PIGL: variants seen among roughly 807,000 people sequenced by gnomAD.
PIGL encodes the protein phosphatidylinositol glycan anchor biosynthesis class L.
Under a neutral mutation model 31.1 loss-of-function variants are expected in PIGL, and 22 were observed. The observed-to-expected ratio is 0.71, with a 90% CI of 0.51 to 1.01. PIGL has a LOEUF of 1.01. Ranked by LOEUF, PIGL falls within the 50% of genes least tolerant of loss-of-function variation. The pLI is 0.00. For synonymous variants in PIGL, 131 were observed against 117.4 expected (o/e 1.12, Z -0.75); for missense variants, 302 against 315.9 (o/e 0.96, Z 0.33).
rs114353861 is a variant in PIGL, at chr17:16,313,916, C to G, written c.494+302C>G. On this transcript the variant is annotated intron_variant, in intron 4 of 6. Coordinates refer to ENST00000225609, the MANE Select transcript of PIGL (RefSeq NM_004278.4). ...ATCTCTTTTCTGTGGCCACAGGAAG[C>G]TTGAGGGCCAAATTTGCAAGCCCTG... Among the ~76,000 whole-genome samples the G allele has an allele frequency of 5.6e-3, 857 of 152,274 alleles. 13 individuals are homozygous for G. Among genetic ancestry groups the G allele is most frequent in the African/African-American group, 0.019 (790 of 41,546 alleles).
At chr17:16,295,402 C>CA (rs60864452) in intron 2 of PIGL, among the ~76,000 whole-genome samples, 150 of 72,238 alleles carry the variant, frequency 2.1e-3, no homozygotes, top group Middle Eastern at 9.8e-3. Flanking sequence ...GACTCCGTCT[C>CA]AAAAAAAAAA....
chr17:16,220,471 TA>T (rs1424777498), intron 1 of PIGL, among the ~76,000 whole-genome samples: 3 of 147,196 alleles, frequency 2.0e-5, no homozygotes, highest in African/African-American at 7.4e-5. Flanking sequence ...TGTGTTTTTT[TA>T]AATTGTTATT....
At chr17:16,239,882 G>A (rs957107624) in intron 2 of PIGL, among the ~76,000 whole-genome samples, 1 of 152,132 alleles carries the variant, frequency 6.6e-6, no homozygotes, top group Non-Finnish European at 1.5e-5. Context: ...GAACTCCTGA[G>A]TAGCTGGGAC....
At chr17:16,285,915 G>A (rs2092935477) in intron 2 of PIGL, among the ~76,000 whole-genome samples, 1 of 152,188 alleles carries the variant, frequency 6.6e-6, no homozygotes. Flanking sequence ...TCACACTCCT[G>A]TATTTGGAGC....
intron 3 of PIGL, among the ~76,000 whole-genome samples, chr17:16,300,756 C>CA (rs1030226068): frequency 1.3e-5 from 2 of 151,924 alleles, no homozygotes; most frequent in Admixed American, 6.6e-5. Flanking sequence ...GCAGCTTGTC[C>CA]AAGGTAAACA....
intron 3 of PIGL, among the ~76,000 whole-genome samples, chr17:16,304,152 C>G (rs3095171): frequency 0.42 from 63,237 of 152,104 alleles, 13,975 homozygotes; most frequent in East Asian, 0.76. Context: ...GCTAGTGTAG[C>G]TATAACTGGC....
At chr17:16,260,981 T>C (rs1000994750) in intron 2 of PIGL, among the ~76,000 whole-genome samples, 2 of 151,988 alleles carry the variant, frequency 1.3e-5, no homozygotes, top group Non-Finnish European at 2.9e-5. Context: ...TAGCTGGGCA[T>C]GGTGGCACAT....
chr17:16,228,245 A>G (rs1364114820), intron 1 of PIGL, among the ~76,000 whole-genome samples: 1 of 150,490 alleles, frequency 6.6e-6, no homozygotes, highest in Non-Finnish European at 1.5e-5. Flanking sequence ...TTATTAGAGA[A>G]TGGAGTTTCA....
intron 2 of PIGL, among the ~76,000 whole-genome samples, chr17:16,245,159 A>C (rs997798957): frequency 6.6e-6 from 1 of 151,948 alleles, no homozygotes. Context: ...CGCCCAGCTA[A>C]TTTTTGTATT....
At chr17:16,310,045 T>C (rs1400997913) in intron 3 of PIGL, among the ~76,000 whole-genome samples, 1 of 135,472 alleles carries the variant, frequency 7.4e-6, no homozygotes, top group Non-Finnish European at 1.5e-5. Context: ...ACCACTGCAC[T>C]CTAGCTTGGG....
intron 2 of PIGL, among the ~76,000 whole-genome samples, chr17:16,286,784 C>G (rs993719827): frequency 1.3e-5 from 2 of 152,150 alleles, no homozygotes; most frequent in Non-Finnish European, 2.9e-5. Context: ...CAGAGCCAGA[C>G]GCGCAATGCC....
chr17:16,304,373 A>G (rs1280349166), intron 3 of PIGL, among the ~76,000 whole-genome samples: 1 of 152,244 alleles, frequency 6.6e-6, no homozygotes, highest in Non-Finnish European at 1.5e-5. Flanking sequence ...CCATCAATGC[A>G]GGAAACTGGG....
intron 2 of PIGL, among the ~76,000 whole-genome samples, chr17:16,245,540 C>T (rs1357368963): frequency 6.6e-6 from 1 of 150,850 alleles, no homozygotes; most frequent in East Asian, 2.0e-4. Flanking sequence ...CGGAGTCTTG[C>T]TCTATCGCCA....
At chr17:16,264,320 A>AT (rs895808026) in intron 2 of PIGL, among the ~76,000 whole-genome samples, 1 of 150,596 alleles carries the variant, frequency 6.6e-6, no homozygotes, top group Non-Finnish European at 1.5e-5. Context: ...AATCTTTTGT[A>AT]TTTTTAGTAG....
intron 2 of PIGL, among the ~76,000 whole-genome samples, chr17:16,262,127 G>A (rs2092821706): frequency 6.6e-6 from 1 of 152,042 alleles, no homozygotes; most frequent in African/African-American, 2.4e-5. Context: ...AGAGGCTGAG[G>A]CGGGAGAATC....
At chr17:16,289,006 G>C (rs763435292) in intron 2 of PIGL, among the ~76,000 whole-genome samples, 6 of 152,232 alleles carry the variant, frequency 3.9e-5, no homozygotes, top group Non-Finnish European at 8.8e-5. Flanking sequence ...AAAGACCACA[G>C]GTCTCTGTAT....
chr17:16,286,123 G>A (rs866413190), intron 2 of PIGL, among the ~76,000 whole-genome samples: 1 of 152,248 alleles, frequency 6.6e-6, no homozygotes, highest in Admixed American at 6.5e-5. Context: ...CCAGAGGTGG[G>A]TGGAGGGGTG....
intron 2 of PIGL, among the ~76,000 whole-genome samples, chr17:16,236,437 A>T (rs2092699968): frequency 6.6e-6 from 1 of 152,154 alleles, no homozygotes; most frequent in Non-Finnish European, 1.5e-5. Context: ...GAGATTTTCC[A>T]GTACTATCTT....
chr17:16,320,641 TA>T (rs1019982887), intron 6 of PIGL, among the ~76,000 whole-genome samples: 2 of 152,178 alleles, frequency 1.3e-5, no homozygotes, highest in East Asian at 1.9e-4. Context: ...CTTTATTTTC[TA>T]AATTTTCTTT....
Sources: gnomAD v4.1 joint callset for allele counts (sites outside exome capture counted in the v4.1 genomes callset) on GRCh38, gnomAD v4.1.1 for gene constraint, MANE v1.5 for transcripts, NCBI Gene and HGNC (gene_info 2026-07-23, HGNC 2026-07-21) for gene names.